PDE3B: variants seen among roughly 807,000 people sequenced by gnomAD.
PDE3B encodes the protein phosphodiesterase 3B.
In PDE3B, 66 loss-of-function variants were observed where a neutral mutation model predicts 116.8. The ratio of observed to expected loss-of-function variants is 0.56; its 90% CI spans 0.46 to 0.69. The LOEUF is 0.69. PDE3B is among the 30% of genes least tolerant of loss of function. The pLI is 0.00. For missense variants in PDE3B, 1,384 were observed against 1,368.1 expected, an observed-to-expected ratio of 1.01 and a Z score of -0.18; for synonymous variants, 595 against 533.6, an observed-to-expected ratio of 1.12 and a Z score of -1.59.
intron 10 of PDE3B, among the ~76,000 whole-genome samples, chr11:14,833,272 G>A (rs1293637273): frequency 6.6e-6 from 1 of 152,056 alleles, no homozygotes; most frequent in African/African-American, 2.4e-5. Flanking sequence ...TTTAAATGGA[G>A]TTTTAAAAAG....
rs1380296058 is a variant in PDE3B, at chr11:14,644,603, G to C, written c.528G>C (p.Trp176Cys). 1 of 1,551,488 alleles carries C rather than the reference G, an allele frequency of 6.4e-7. No homozygotes were observed. The highest frequency in any genetic ancestry group is 1.4e-5 in the African/African-American group (1 of 73,138). ...FLVWQWWSWP[W>C]GDGDAGSAAP... Reference sequence around the variant, plus strand: ...TGTGGCAGTGGTGGTCTTGGCCTTGGGGGGATGGCGACGCAGGGTCCGCGG... The same window carrying C: ...TGTGGCAGTGGTGGTCTTGGCCTTGCGGGGATGGCGACGCAGGGTCCGCGG... The change falls in exon 1 of 16, where the codon TGG (tryptophan) becomes TGC (cysteine). Residue 176 changes from tryptophan to cysteine, a missense_variant. Coordinates refer to ENST00000282096, the MANE Select transcript of PDE3B (RefSeq NM_000922.4).
chr11:14,663,531 C>A (rs187261813), intron 1 of PDE3B, among the ~76,000 whole-genome samples: 1 of 152,076 alleles, frequency 6.6e-6, no homozygotes, highest in Non-Finnish European at 1.5e-5. Flanking sequence ...ACCTGTCTCA[C>A]GTGCAGAGAC....
intron 1 of PDE3B, among the ~76,000 whole-genome samples, chr11:14,705,022 T>C (rs897857506): frequency 5.3e-5 from 8 of 151,638 alleles, no homozygotes; most frequent in Non-Finnish European, 1.0e-4. Context: ...GAAAAGAAAA[T>C]AATTGACTCA....
At chr11:14,800,003 G>C (rs902201752) in intron 4 of PDE3B, among the ~76,000 whole-genome samples, 2 of 152,114 alleles carry the variant, frequency 1.3e-5, no homozygotes, top group Non-Finnish European at 2.9e-5. Flanking sequence ...CCCTTTAGTT[G>C]ATGCAGTTTC....
chr11:14,884,153 C>T, the PDE3B span, among the ~76,000 whole-genome samples: 4 of 151,966 alleles, frequency 2.6e-5, no homozygotes, highest in Non-Finnish European at 5.9e-5. Context: ...ACTAGAAATA[C>T]CATTTGACCC....
the PDE3B span, chr11:14,877,599 C>G: frequency 2.0e-5 from 3 of 152,720 alleles, no homozygotes; most frequent in African/African-American, 7.2e-5. Context: ...GCAGGCTCTA[C>G]ATTAAATACA....
intron 1 of PDE3B, among the ~76,000 whole-genome samples, chr11:14,729,121 A>T (rs1372388726): frequency 6.6e-6 from 1 of 152,176 alleles, no homozygotes; most frequent in Non-Finnish European, 1.5e-5. Context: ...GCAAGATCAA[A>T]TGTTTCCTGG....
intron 1 of PDE3B, among the ~76,000 whole-genome samples, chr11:14,662,791 A>G (rs1853976235): frequency 6.6e-6 from 1 of 152,244 alleles, no homozygotes. Context: ...AAAGCCTCCA[A>G]GAAATATGGG....
intron 1 of PDE3B, among the ~76,000 whole-genome samples, chr11:14,692,301 T>A (rs529126390): frequency 8.6e-5 from 13 of 151,374 alleles, no homozygotes; most frequent in African/African-American, 3.2e-4. Context: ...ATAATAATAG[T>A]ATCTACACCA....
intron 1 of PDE3B, among the ~76,000 whole-genome samples, chr11:14,691,067 A>G (rs1046740331): frequency 6.6e-6 from 1 of 152,190 alleles, no homozygotes; most frequent in Non-Finnish European, 1.5e-5. Context: ...GAGAGCAGGG[A>G]GGAAAAAGGA....
intron 1 of PDE3B, among the ~76,000 whole-genome samples, chr11:14,744,887 A>G (rs1856867706): frequency 1.3e-5 from 2 of 152,360 alleles, no homozygotes; most frequent in South Asian, 4.1e-4. Flanking sequence ...ATAAAAGCCC[A>G]GGGGATAGGG....
chr11:14,852,633 T>C (rs1555005403), intron 12 of PDE3B, among the ~76,000 whole-genome samples: 1 of 152,180 alleles, frequency 6.6e-6, no homozygotes, highest in Admixed American at 6.5e-5. Context: ...GGAAAGGAGA[T>C]GGATTAGAGA....
intron 1 of PDE3B, among the ~76,000 whole-genome samples, chr11:14,768,543 A>G (rs1356600692): frequency 6.6e-6 from 1 of 151,526 alleles, no homozygotes; most frequent in African/African-American, 2.4e-5. Flanking sequence ...ATGTAGCTGT[A>G]TGTACTTCAT....
intron 1 of PDE3B, among the ~76,000 whole-genome samples, chr11:14,734,120 G>T (rs1288291995): frequency 6.6e-6 from 1 of 152,158 alleles, no homozygotes; most frequent in African/African-American, 2.4e-5. Context: ...TGCCCAGGCT[G>T]GAGTGCAGTG....
chr11:14,696,406 C>T (rs1432825917), intron 1 of PDE3B, among the ~76,000 whole-genome samples: 1 of 152,106 alleles, frequency 6.6e-6, no homozygotes, highest in Non-Finnish European at 1.5e-5. Context: ...AGTGTATTCA[C>T]CCAAAAGCAT....
intron 8 of PDE3B, 123 bp downstream of exon 8, chr11:14,830,969 A>AT (rs1279987869): frequency 1.1e-5 from 5 of 465,744 alleles, no homozygotes; most frequent in Non-Finnish European, 1.1e-5. Context: ...TTTTTTACTT[A>AT]TAAGTCACTA....
intron 1 of PDE3B, among the ~76,000 whole-genome samples, chr11:14,739,088 C>G (rs1297738393): frequency 6.6e-6 from 1 of 152,118 alleles, no homozygotes; most frequent in African/African-American, 2.4e-5. Flanking sequence ...TATGCAGGCC[C>G]TTTTTTGGGT....
At chr11:14,849,875 T>C (rs1406356790) in intron 12 of PDE3B, among the ~76,000 whole-genome samples, 41 of 151,230 alleles carry the variant, frequency 2.7e-4, no homozygotes, top group Non-Finnish European at 4.9e-4. Context: ...TAGGAACACT[T>C]TTACACTGTT....
the PDE3B span, among the ~76,000 whole-genome samples, chr11:14,888,768 T>C: frequency 2.0e-5 from 3 of 152,342 alleles, no homozygotes; most frequent in East Asian, 5.8e-4. Flanking sequence ...CATTCAGTGC[T>C]GTGCATAAAG....
Sources: allele counts gnomAD v4.1 joint callset (sites outside exome capture counted in the v4.1 genomes callset), GRCh38; gene constraint gnomAD v4.1.1; transcripts MANE v1.5; gene names NCBI Gene and HGNC (gene_info 2026-07-23, HGNC 2026-07-21).